NAALADL2: variants seen among roughly 807,000 people sequenced by gnomAD.
The protein encoded by NAALADL2 is N-acetylated alpha-linked acidic dipeptidase like 2.
Under a neutral mutation model 87.2 loss-of-function variants are expected in NAALADL2, and 76 were observed. The ratio of observed to expected loss-of-function variants is 0.87; its 90% CI spans 0.72 to 1.05. The LOEUF (loss-of-function observed/expected upper bound fraction) is 1.05, where lower values mean the gene tolerates loss of function less well. Among genes scored for constraint, NAALADL2 ranks in the 50% least tolerant of loss-of-function variants. The probability of loss-of-function intolerance (pLI) is 0.00; values close to 1 mark genes in which losing one functional copy is unlikely to be tolerated. For synonymous variants in NAALADL2, 354 were observed against 331.0 expected (o/e 1.07, Z -0.75); for missense variants, 1,089 against 945.8 (o/e 1.15, Z -1.99).
chr3:175,253,617 C>T (rs751985765), intron 3 of NAALADL2, among the ~76,000 whole-genome samples: 2 of 152,158 alleles, frequency 1.3e-5, no homozygotes, highest in Non-Finnish European at 2.9e-5. Flanking sequence ...GTAGCTTCCC[C>T]AGATAGTGAT....
chr3:175,727,190 G>A (rs1356401204), intron 11 of NAALADL2, among the ~76,000 whole-genome samples: 1 of 152,110 alleles, frequency 6.6e-6, no homozygotes, highest in African/African-American at 2.4e-5. Context: ...GCTCCAGGCT[G>A]CAAACCCAGT....
chr3:174,868,045 A>G (rs915031638), intron 1 of NAALADL2, among the ~76,000 whole-genome samples: 2 of 152,078 alleles, frequency 1.3e-5, no homozygotes, highest in South Asian at 4.1e-4. Context: ...TCTTATTGGT[A>G]ACAGGAGGCT....
chr3:175,560,399 A>T (rs1205991342), intron 9 of NAALADL2, among the ~76,000 whole-genome samples: 1 of 151,428 alleles, frequency 6.6e-6, no homozygotes, highest in African/African-American at 2.4e-5. Flanking sequence ...TGTTTCATTG[A>T]TCTTTTTGTC....
intron 2 of NAALADL2, among the ~76,000 whole-genome samples, chr3:175,203,432 A>G (rs1302093252): frequency 1.3e-5 from 2 of 152,170 alleles, no homozygotes; most frequent in African/African-American, 4.8e-5. Flanking sequence ...GGGGATGTGT[A>G]TTTGGAAGAG....
chr3:175,632,916 T>G (rs1727997994), intron 11 of NAALADL2, among the ~76,000 whole-genome samples: 1 of 152,118 alleles, frequency 6.6e-6, no homozygotes, highest in Admixed American at 6.6e-5. Context: ...AATTTCTCAG[T>G]GGCATTAGCC....
chr3:175,795,381 T>C (rs1753329785), intron 13 of NAALADL2, among the ~76,000 whole-genome samples: 1 of 152,056 alleles, frequency 6.6e-6, no homozygotes, highest in African/African-American at 2.4e-5. Flanking sequence ...CAAATCCATA[T>C]TGTACTCTGT....
At chr3:175,255,796 GGAAATGTGACA>G (rs1408798203) in intron 3 of NAALADL2, among the ~76,000 whole-genome samples, 1 of 152,124 alleles carries the variant, frequency 6.6e-6, no homozygotes, top group Admixed American at 6.5e-5. Flanking sequence ...GTGAGTAGTG[GGAAATGTGACA>G]GAAATGATAA....
At chr3:174,814,931 G>A (rs1007022541) in intron 3 of NAALADL2, among the ~76,000 whole-genome samples, 5 of 152,070 alleles carry the variant, frequency 3.3e-5, no homozygotes, top group African/African-American at 7.2e-5. Context: ...ATGAATGGTC[G>A]CATTTCAATA....
intron 2 of NAALADL2, among the ~76,000 whole-genome samples, chr3:174,732,084 G>A (rs1429978370): frequency 2.0e-5 from 3 of 152,086 alleles, no homozygotes; most frequent in Non-Finnish European, 4.4e-5. Context: ...GCCTATCTCT[G>A]ATCTAATTCA....
At chr3:174,979,304 C>CTTTTTTTTTTTTTTTTTT (rs5854604) in intron 1 of NAALADL2, among the ~76,000 whole-genome samples, 4 of 105,220 alleles carry the variant, frequency 3.8e-5, no homozygotes, top group African/African-American at 1.2e-4. Flanking sequence ...TCTTTCTTTT[C>CTTTTTTTTTTTTTTTTTT]TTTTTTTTTT....
intron 10 of NAALADL2, among the ~76,000 whole-genome samples, chr3:175,616,344 A>G (rs1199201978): frequency 1.3e-5 from 2 of 150,668 alleles, no homozygotes; most frequent in East Asian, 3.9e-4. Context: ...AAATAACATT[A>G]TTATTGCTAT....
chr3:175,300,218 T>C (rs1756881786), intron 4 of NAALADL2, among the ~76,000 whole-genome samples: 1 of 150,964 alleles, frequency 6.6e-6, no homozygotes, highest in African/African-American at 2.5e-5. Flanking sequence ...TCCGCATTGA[T>C]GTTCGTCAAG....
intron 1 of NAALADL2, among the ~76,000 whole-genome samples, chr3:174,454,633 T>C (rs902162625): frequency 6.6e-6 from 1 of 152,100 alleles, no homozygotes; most frequent in African/African-American, 2.4e-5. Flanking sequence ...CTGCTCCTGA[T>C]TGACTTTTGT....
chr3:175,310,741 A>G (rs1157525127), intron 4 of NAALADL2, among the ~76,000 whole-genome samples: 2 of 152,004 alleles, frequency 1.3e-5, no homozygotes, highest in Non-Finnish European at 2.9e-5. Flanking sequence ...GTCATTTTTT[A>G]TCTCCTCACC....
chr3:175,171,529 A>G (rs1335538503), intron 2 of NAALADL2, among the ~76,000 whole-genome samples: 1 of 152,138 alleles, frequency 6.6e-6, no homozygotes, highest in East Asian at 1.9e-4. Flanking sequence ...CATTGGTAGT[A>G]TGAAAAGTTA....
chr3:175,191,036 C>G (rs1469297270), intron 2 of NAALADL2, among the ~76,000 whole-genome samples: 1 of 150,566 alleles, frequency 6.6e-6, no homozygotes, highest in African/African-American at 2.4e-5. Flanking sequence ...ATGAACGAGT[C>G]TAGAAATTAA....
Position 174,958,505 on chromosome 3 carries a change from A to G in NAALADL2, c.43+99055A>G, listed in dbSNP as rs1283121763. 2.0e-5 allele frequency among the ~76,000 whole-genome samples: 3 copies of G among 152,008 alleles called. No homozygotes were observed. In the East Asian group the frequency reaches 5.8e-4, roughly 29 times the overall value. Reference sequence around the variant, plus strand: ...ATCCATCCCCAAGGGTTTATACTCTATTACTCCAATAGTTATTGAAATTGA... The same window carrying G: ...ATCCATCCCCAAGGGTTTATACTCTGTTACTCCAATAGTTATTGAAATTGA... On this transcript the variant is annotated intron_variant, in intron 1 of 13. Coordinates refer to ENST00000454872, the MANE Select transcript of NAALADL2 (RefSeq NM_207015.3).
intron 1 of NAALADL2, among the ~76,000 whole-genome samples, chr3:174,885,330 T>C (rs1406035866): frequency 6.6e-6 from 1 of 152,156 alleles, no homozygotes; most frequent in Non-Finnish European, 1.5e-5. Flanking sequence ...TTTTAGCAGA[T>C]TTGAGGCTCA....
intron 1 of NAALADL2, among the ~76,000 whole-genome samples, chr3:175,070,624 T>C (rs1715457023): frequency 6.6e-6 from 1 of 152,090 alleles, no homozygotes; most frequent in Non-Finnish European, 1.5e-5. Flanking sequence ...AAAATTATGC[T>C]ATGGTATAGG....
Sources: gnomAD v4.1 joint callset for allele counts (sites outside exome capture counted in the v4.1 genomes callset) on GRCh38, gnomAD v4.1.1 for gene constraint, MANE v1.5 for transcripts, NCBI Gene and HGNC (gene_info 2026-07-23, HGNC 2026-07-21) for gene names.